The following IQCJ variants were observed in gnomAD, a reference collection of about 807,000 sequenced individuals.
IQCJ encodes the protein IQ domain-containing protein J.
IQCJ carries 9 observed loss-of-function variants against 11.0 expected under a neutral mutation model. That is an observed-to-expected ratio of 0.82 (90% CI 0.49 to 1.43). The LOEUF (loss-of-function observed/expected upper bound fraction) is 1.43, where lower values mean the gene tolerates loss of function less well. Ranked by LOEUF, IQCJ falls within the 40% of genes most tolerant of loss-of-function variation. The pLI, the probability that IQCJ is intolerant of heterozygous loss-of-function variation, is 0.00. For synonymous variants in IQCJ, 55 were observed against 51.3 expected (o/e 1.07, Z -0.31); for missense variants, 146 against 133.2 (o/e 1.10, Z -0.47).
intron 1 of IQCJ, among the ~76,000 whole-genome samples, chr3:159,234,944 A>C (rs1331700694): frequency 2.0e-5 from 3 of 152,246 alleles, no homozygotes; most frequent in Admixed American, 2.0e-4. Flanking sequence ...AATGCATTCC[A>C]GAATCAGGTA....
intron 1 of IQCJ, among the ~76,000 whole-genome samples, chr3:159,243,293 CTTG>C (rs201569141): frequency 0.014 from 2,191 of 152,272 alleles, 60 homozygotes; most frequent in Admixed American, 0.066. Flanking sequence ...GCACAACAGA[CTTG>C]TTGTGCAAAC....
intron 1 of IQCJ, among the ~76,000 whole-genome samples, chr3:159,114,566 C>T (rs1718843700): frequency 6.6e-6 from 1 of 152,124 alleles, no homozygotes; most frequent in African/African-American, 2.4e-5. Context: ...CCCCCCTCGG[C>T]CTCTCAAAGT....
At chr3:159,242,150 T>C (rs537571733) in intron 1 of IQCJ, among the ~76,000 whole-genome samples, 1 of 152,066 alleles carries the variant, frequency 6.6e-6, no homozygotes, top group East Asian at 1.9e-4. Flanking sequence ...CAAGTGTGGG[T>C]TGTAGTATAG....
chr3:159,216,525 C>A (rs1195383519), intron 1 of IQCJ, among the ~76,000 whole-genome samples: 1 of 152,090 alleles, frequency 6.6e-6, no homozygotes, highest in Non-Finnish European at 1.5e-5. Context: ...AACATCCAGC[C>A]CCCTTATCAC....
chr3:159,194,080 G>C (rs1175765649), intron 1 of IQCJ, among the ~76,000 whole-genome samples: 1 of 152,200 alleles, frequency 6.6e-6, no homozygotes, highest in East Asian at 1.9e-4. Flanking sequence ...GGGAAGAACT[G>C]AGGAAGTAAT....
intron 1 of IQCJ, among the ~76,000 whole-genome samples, chr3:159,198,682 C>T (rs779082138): frequency 6.6e-6 from 1 of 152,122 alleles, no homozygotes; most frequent in Non-Finnish European, 1.5e-5. Context: ...ATTAATGTGT[C>T]TTGGCTTCTT....
At chr3:159,112,823 T>A (rs1488921421) in intron 1 of IQCJ, among the ~76,000 whole-genome samples, 1 of 152,154 alleles carries the variant, frequency 6.6e-6, no homozygotes, top group Admixed American at 6.5e-5. Context: ...CCTTAGTTTC[T>A]TTGAGTGGGA....
intron 1 of IQCJ, among the ~76,000 whole-genome samples, chr3:159,181,007 T>G (rs772739053): frequency 4.7e-4 from 71 of 151,956 alleles, no homozygotes; most frequent in Non-Finnish European, 8.8e-4. Flanking sequence ...ACGTACATGT[T>G]GTCTTCTCCT....
intron 1 of IQCJ, among the ~76,000 whole-genome samples, chr3:159,205,640 C>T (rs1000152372): frequency 1.3e-5 from 2 of 152,220 alleles, no homozygotes; most frequent in African/African-American, 2.4e-5. Flanking sequence ...GATTACCTCA[C>T]AGCAGCTGAA....
At chr3:159,130,500 C>G (rs1250679914) in intron 1 of IQCJ, among the ~76,000 whole-genome samples, 1 of 152,080 alleles carries the variant, frequency 6.6e-6, no homozygotes, top group African/African-American at 2.4e-5. Context: ...TGCATTCTGG[C>G]CACATCATCT....
rs1576996697 is a variant in IQCJ, at chr3:159,088,416, C to G, written c.9+18975C>G. Among the ~76,000 whole-genome samples, 6 of 152,248 alleles carry G rather than the reference C, an allele frequency of 3.9e-5. No homozygotes were observed. In the East Asian group the frequency reaches 1.2e-3, roughly 29 times the overall value. On this transcript the variant is annotated intron_variant, in intron 1 of 3. Coordinates refer to ENST00000397832, the MANE Select transcript of IQCJ (RefSeq NM_001042706.3). ...TTCTGTTGATTTGGGGTGGAGAGTT[C>G]TGTAGATGTCTATTAGGTCCACTTG...
chr3:159,229,286 T>A (rs1472778112), intron 1 of IQCJ, among the ~76,000 whole-genome samples: 1 of 152,226 alleles, frequency 6.6e-6, no homozygotes, highest in Non-Finnish European at 1.5e-5. Context: ...GGGTCCACTC[T>A]TAGCCTTTTC....
At chr3:159,129,359 A>T (rs1719861524) in intron 1 of IQCJ, among the ~76,000 whole-genome samples, 1 of 152,184 alleles carries the variant, frequency 6.6e-6, no homozygotes, top group Admixed American at 6.5e-5. Flanking sequence ...AGTCCTATAG[A>T]GCTAGCCATT....
intron 1 of IQCJ, among the ~76,000 whole-genome samples, chr3:159,186,029 C>A (rs1723351735): frequency 6.6e-6 from 1 of 152,134 alleles, no homozygotes; most frequent in African/African-American, 2.4e-5. Context: ...TAAAAACCAC[C>A]ATGGTTACCT....
At chr3:159,217,134 A>G (rs944686261) in intron 1 of IQCJ, among the ~76,000 whole-genome samples, 1 of 152,154 alleles carries the variant, frequency 6.6e-6, no homozygotes, top group African/African-American at 2.4e-5. Context: ...GTTTTAAAAA[A>G]TGCTGTTGAA....
rs1294875745 is a variant in IQCJ, at chr3:159,263,133, G to T, written c.*402G>T. 114 of 924,550 alleles carry T rather than the reference G, an allele frequency of 1.2e-4. No individual in the cohort carries two copies. The highest frequency in any genetic ancestry group is 1.5e-4 in the Non-Finnish European group (114 of 773,284). The allele number at this position is 924,550 out of a possible 1,614,324, so 57.3% of individuals were successfully genotyped here. ...CAACTTAAATGTCTCCAGGGGCCAGGTAAGTCACCCTCATGACTGAGGTGG... is the reference window on the plus strand; with the variant it reads ...CAACTTAAATGTCTCCAGGGGCCAGTTAAGTCACCCTCATGACTGAGGTGG... On this transcript the variant is annotated 3_prime_UTR_variant, in exon 4 of 4. Coordinates refer to ENST00000397832, the MANE Select transcript of IQCJ (RefSeq NM_001042706.3).
intron 1 of IQCJ, among the ~76,000 whole-genome samples, chr3:159,101,536 C>G (rs192373658): frequency 4.6e-5 from 7 of 152,308 alleles, no homozygotes; most frequent in Admixed American, 2.6e-4. Flanking sequence ...AACTATCATC[C>G]CCATGTGTTT....
chr3:159,101,280 G>A (rs1278397280), intron 1 of IQCJ, among the ~76,000 whole-genome samples: 1 of 150,996 alleles, frequency 6.6e-6, no homozygotes, highest in African/African-American at 2.4e-5. Context: ...GCACTCCCTA[G>A]TGAGATGAAC....
intron 1 of IQCJ, among the ~76,000 whole-genome samples, chr3:159,236,269 A>AG (rs572307939): frequency 6.6e-5 from 2 of 30,210 alleles, no homozygotes; most frequent in Non-Finnish European, 1.2e-4. Flanking sequence ...GCTCCTTTTG[A>AG]AAAAAAAAAA....
Sources: gnomAD v4.1 joint callset for allele counts (sites outside exome capture counted in the v4.1 genomes callset) on GRCh38, gnomAD v4.1.1 for gene constraint, MANE v1.5 for transcripts, NCBI Gene and HGNC (gene_info 2026-07-23, HGNC 2026-07-21) for gene names.